Variants in ARFGEF2 observed in about 807,000 individuals in gnomAD.
ARFGEF2 encodes the protein ARF guanine nucleotide exchange factor 2.
ARFGEF2 carries 74 observed loss-of-function variants against 219.9 expected under a neutral mutation model. That is an observed-to-expected ratio of 0.34 (90% CI 0.28 to 0.41). The LOEUF (loss-of-function observed/expected upper bound fraction) is 0.41. Ranked by LOEUF, ARFGEF2 falls within the 10% of genes least tolerant of loss-of-function variation. The pLI is 1.00. For synonymous variants in ARFGEF2, 733 were observed against 799.2 expected (o/e 0.92, Z 1.40); for missense variants, 1,743 against 2,218.3 (o/e 0.79, Z 4.30).
At chr20:49,024,037 T>A (rs1039275612) in intron 35 of ARFGEF2, among the ~76,000 whole-genome samples, 54 of 152,128 alleles carry the variant, frequency 3.5e-4, no homozygotes, top group Non-Finnish European at 7.2e-4. Context: ...AATCACAGAA[T>A]CACAGGTAAC....
chr20:48,924,032 A>C (rs2090860449), intron 1 of ARFGEF2, among the ~76,000 whole-genome samples: 1 of 152,248 alleles, frequency 6.6e-6, no homozygotes, highest in South Asian at 2.1e-4. Context: ...CATAATAGGA[A>C]CTGTCATAAG....
chr20:49,014,811 A>G lies in ARFGEF2; in HGVS notation c.4179+851A>G, dbSNP rs189846366. Among the ~76,000 whole-genome samples, 420 of 152,334 alleles carry G rather than the reference A, an allele frequency of 2.8e-3. 2 individuals carry two copies. Among genetic ancestry groups the G allele is most frequent in the Middle Eastern group, 0.014 (4 of 294 alleles). ...GGTCATAGTATAGATAGAGTTTTCT[A>G]ATCTTTTTAAATTTAAATATGTTTT... On this transcript the variant is annotated intron_variant, in intron 30 of 38. Transcript: ENST00000371917.
intron 26 of ARFGEF2, among the ~76,000 whole-genome samples, chr20:49,006,812 A>G (rs1266760575): frequency 6.6e-6 from 1 of 151,994 alleles, no homozygotes; most frequent in Non-Finnish European, 1.5e-5. Context: ...CCTAGCTCAC[A>G]TAGGAGCTGT....
At chr20:49,010,479 C>G in intron 27 of ARFGEF2, 75 bp downstream of exon 27, 1 of 1,564,764 alleles carries the variant, frequency 6.4e-7, no homozygotes, top group Non-Finnish European at 8.7e-7. Context: ...GTCTATTTTA[C>G]TACCTACAGG....
rs772651428 is a variant in ARFGEF2 at position 48,991,143 on chromosome 20, C to T, written c.2918C>T (p.Thr973Met). 1.5e-5 allele frequency: 24 copies of T among 1,614,058 alleles called. No individual in the cohort carries two copies. Among genetic ancestry groups the T allele is most frequent in the African/African-American group, 1.3e-4 (10 of 74,912 alleles). Residue 973 changes from threonine to methionine, a missense_variant, in exon 21 of 39, where the codon ACG becomes ATG. Coordinates refer to ENST00000371917, the MANE Select transcript of ARFGEF2 (RefSeq NM_006420.3). ...CAGAAAAACATCGACACCATTAAGA[C>T]GCTTATCACAGTGGCTCACACCGAT... ...MKQKNIDTIKTLITVAHTDGN... is the reference protein window; with the variant it reads ...MKQKNIDTIKMLITVAHTDGN...
At chr20:49,006,761 A>G (rs1457453660) in intron 26 of ARFGEF2, among the ~76,000 whole-genome samples, 1 of 152,168 alleles carries the variant, frequency 6.6e-6, no homozygotes, top group Non-Finnish European at 1.5e-5. Context: ...GGAACAAGGC[A>G]GGTAGTAGAA....
At chr20:48,971,837 C>G (rs1192282989) in intron 10 of ARFGEF2, among the ~76,000 whole-genome samples, 6 of 151,516 alleles carry the variant, frequency 4.0e-5, no homozygotes, top group African/African-American at 1.5e-4. Flanking sequence ...GGAGGCGGAG[C>G]TTGCAGTGAG....
At chr20:49,000,144 G>A (rs2091416861) in intron 25 of ARFGEF2, among the ~76,000 whole-genome samples, 1 of 152,220 alleles carries the variant, frequency 6.6e-6, no homozygotes, top group Non-Finnish European at 1.5e-5. Flanking sequence ...ACAGGTGCTA[G>A]TCTACTCCAC....
intron 18 of ARFGEF2, 120 bp downstream of exon 18, chr20:48,988,782 G>C: frequency 1.1e-6 from 1 of 925,466 alleles, no homozygotes; most frequent in Non-Finnish European, 1.7e-6. Flanking sequence ...TAGGAAATGT[G>C]ATTGAATTAA....
chr20:48,983,845 A>G (rs1455081213), intron 14 of ARFGEF2, among the ~76,000 whole-genome samples: 2 of 152,172 alleles, frequency 1.3e-5, no homozygotes, highest in Non-Finnish European at 1.5e-5. Flanking sequence ...ACTCATGAAT[A>G]TCACCCTCCA....
At chr20:48,959,426 TTC>T (rs2091126524) in intron 6 of ARFGEF2, among the ~76,000 whole-genome samples, 1 of 128,706 alleles carries the variant, frequency 7.8e-6, no homozygotes, top group Admixed American at 7.8e-5. Flanking sequence ...CCTCCCTCCC[TTC>T]TTCCTTCCCT....
chr20:48,937,464 T>A (rs945016866), intron 1 of ARFGEF2, among the ~76,000 whole-genome samples: 1 of 152,164 alleles, frequency 6.6e-6, no homozygotes, highest in Non-Finnish European at 1.5e-5. Flanking sequence ...CTCAGGCTGG[T>A]CTGAGCTCCT....
At chr20:48,933,345 C>T (rs2090925421) in intron 1 of ARFGEF2, among the ~76,000 whole-genome samples, 1 of 152,198 alleles carries the variant, frequency 6.6e-6, no homozygotes. Flanking sequence ...AACAGACTGC[C>T]TGGGCGTGGA....
chr20:48,969,114 C>A (rs771821763), intron 8 of ARFGEF2, 33 bp from the exon 9 acceptor site: 58 of 1,606,954 alleles, frequency 3.6e-5, no homozygotes, highest in Non-Finnish European at 4.8e-5. Flanking sequence ...GTGGGTGCCA[C>A]CACACCCAGC....
At chr20:48,954,331 C>T (rs985517488) in intron 6 of ARFGEF2, among the ~76,000 whole-genome samples, 1 of 152,130 alleles carries the variant, frequency 6.6e-6, no homozygotes, top group Non-Finnish European at 1.5e-5. Flanking sequence ...AGAGACTAAC[C>T]CACACCTGAT....
At chr20:49,025,116 A>G (rs922474501) in intron 35 of ARFGEF2, among the ~76,000 whole-genome samples, 197 bp from the exon 36 acceptor site, 2 of 152,214 alleles carry the variant, frequency 1.3e-5, no homozygotes, top group African/African-American at 2.4e-5. Flanking sequence ...GCCTGCCATC[A>G]TGGAACGGCT....
intron 14 of ARFGEF2, among the ~76,000 whole-genome samples, chr20:48,983,029 T>C (rs1000302909): frequency 1.3e-5 from 2 of 152,210 alleles, no homozygotes; most frequent in African/African-American, 4.8e-5. Flanking sequence ...CCCAGTGAGA[T>C]GAACCAGGTA....
At chr20:48,963,750 C>T in intron 6 of ARFGEF2, 80 bp from the exon 7 acceptor site, 2 of 1,394,180 alleles carry the variant, frequency 1.4e-6, no homozygotes, top group Non-Finnish European at 2.0e-6. Flanking sequence ...ATGTAACTCC[C>T]CATAATCTCC....
At chr20:48,966,174 A>G in intron 8 of ARFGEF2, 151 bp downstream of exon 8, 1 of 981,554 alleles carries the variant, frequency 1.0e-6, no homozygotes, top group Non-Finnish European at 1.6e-6. Context: ...TCTTTGTATT[A>G]GCAGGTTCAG....
Sources: gnomAD v4.1 joint callset for allele counts (sites outside exome capture counted in the v4.1 genomes callset) on GRCh38, gnomAD v4.1.1 for gene constraint, MANE v1.5 for transcripts, NCBI Gene and HGNC (gene_info 2026-07-23, HGNC 2026-07-21) for gene names.